MTMR6: variants seen among roughly 807,000 people sequenced by gnomAD.
MTMR6 encodes myotubularin related protein 6.
Under a neutral mutation model 80.1 loss-of-function variants are expected in MTMR6, and 47 were observed. That is an observed-to-expected ratio of 0.59 (90% confidence interval 0.46 to 0.75). The LOEUF (loss-of-function observed/expected upper bound fraction) is 0.75. MTMR6 is among the 30% of genes least tolerant of loss of function. The pLI, the probability that MTMR6 is intolerant of heterozygous loss-of-function variation, is 0.00. For missense variants in MTMR6, 629 were observed against 730.9 expected (o/e 0.86, Z 1.61); for synonymous variants, 254 against 253.0 (o/e 1.00, Z -0.04).
chr13:25,253,172 T>C (rs1331703622), intron 11 of MTMR6, among the ~76,000 whole-genome samples: 5 of 152,138 alleles, frequency 3.3e-5, no homozygotes, highest in Non-Finnish European at 5.9e-5. Context: ...TAGGGTCAAG[T>C]AGTGTCTCAG....
intron 6 of MTMR6, 48 bp downstream of exon 6, chr13:25,261,620 A>G: frequency 1.4e-6 from 2 of 1,431,214 alleles, no homozygotes; most frequent in Non-Finnish European, 1.9e-6. Context: ...TAAGTAAAGT[A>G]ATAAAAATAA....
In MTMR6 at chr13:25,283,812, C is replaced by G. The variant is rs1275383917; in HGVS notation, c.24+3412G>C. On this transcript the variant is annotated intron_variant, in intron 1 of 13. Coordinates refer to ENST00000381801, the MANE Select transcript of MTMR6 (RefSeq NM_004685.5). ...ACTGGCAGGGAAAGGAGAAAGACTG[C>G]ATAAAGAACTGTCTCTGCATATTTC... 2.6e-5 allele frequency among the ~76,000 whole-genome samples: 4 copies of G among 152,264 alleles called. No homozygotes were observed. In the East Asian group the frequency reaches 7.7e-4, roughly 29 times the overall value.
In MTMR6 at chr13:25,249,148, A is replaced by G; in HGVS notation, c.*84T>C. On this transcript the variant is annotated 3_prime_UTR_variant, in exon 14 of 14. Coordinates refer to ENST00000381801, the MANE Select transcript of MTMR6 (RefSeq NM_004685.5). The stretch of plus-strand genomic sequence containing the variant: ...TAAACCCTAAAATTGTTATTAGACA[A>G]ATTCCTTTTGGTTATGCTTACAGAC... The G allele has an allele frequency of 6.8e-7, 1 of 1,461,844 alleles. No individual in the cohort carries two copies. The highest frequency in any genetic ancestry group is 9.2e-7 in the Non-Finnish European group (1 of 1,082,454). 90.6% of individuals were successfully genotyped at this position (1,461,844 alleles called of 1,614,324 possible). A position where few individuals can be genotyped will look rare whatever the true frequency, so the allele number is the denominator to read the frequency against.
intron 13 of MTMR6, 86 bp from the exon 14 acceptor site, chr13:25,249,578 T>C (rs1245528701): frequency 1.5e-6 from 2 of 1,340,840 alleles, no homozygotes; most frequent in African/African-American, 2.9e-5. Context: ...TTTTGCAAAA[T>C]ATGTTCTCTG....
intron 5 of MTMR6, among the ~76,000 whole-genome samples, chr13:25,265,118 T>C (rs1039225101): frequency 2.6e-5 from 4 of 152,202 alleles, no homozygotes; most frequent in Admixed American, 1.3e-4. Flanking sequence ...CTGTTTCATG[T>C]TGCAAAATCC....
intron 2 of MTMR6, among the ~76,000 whole-genome samples, chr13:25,270,833 C>T (rs1289288165): frequency 2.0e-5 from 3 of 152,146 alleles, no homozygotes; most frequent in African/African-American, 7.2e-5. Flanking sequence ...ACAGTATGTG[C>T]AGTACAGGGG....
rs147081285 is a variant in MTMR6 at position 25,270,780 on chromosome 13, C to A, written c.142-2839G>T. On this transcript the variant is annotated intron_variant, in intron 2 of 13. Transcript: ENST00000381801. The stretch of plus-strand genomic sequence containing the variant: ...AATTGGTTAGCCTTCTTGGGGAAAT[C>A]AGAAGAGTACAATCAAAGAGAGAAA... Among the ~76,000 whole-genome samples the A allele has an allele frequency of 1.9e-3, 290 of 152,172 alleles. 3 individuals are homozygous for A. Among genetic ancestry groups the A allele is most frequent in the African/African-American group, 6.3e-3 (260 of 41,500 alleles).
In MTMR6 at chr13:25,249,163, T is replaced by C; in HGVS notation, c.*69A>G. On this transcript the variant is annotated 3_prime_UTR_variant, in exon 14 of 14. Transcript: ENST00000381801. Reference sequence around the variant, plus strand: ...TTATTAGACAAATTCCTTTTGGTTATGCTTACAGACCATCCTCACAATAAT... The same window carrying C: ...TTATTAGACAAATTCCTTTTGGTTACGCTTACAGACCATCCTCACAATAAT... The C allele has an allele frequency of 6.6e-7, 1 of 1,526,494 alleles. No homozygotes were observed. The highest frequency in any genetic ancestry group is 8.9e-7 in the Non-Finnish European group (1 of 1,129,404). The allele number at this position is 1,526,494 out of a possible 1,614,324, so 94.6% of individuals were successfully genotyped here. A position where few individuals can be genotyped will look rare whatever the true frequency, so the allele number is the denominator to read the frequency against.
chr13:25,273,409 AT>A (rs1957627266), intron 2 of MTMR6, among the ~76,000 whole-genome samples: 1 of 152,202 alleles, frequency 6.6e-6, no homozygotes, highest in Non-Finnish European at 1.5e-5. Flanking sequence ...AGCAAAAAAA[AT>A]AAGTACCCTA....
Position 25,249,310 on chromosome 13 carries a change from A to G in MTMR6, c.1788T>C (p.Ser596=), listed in dbSNP as rs376742718. ...ATTTAGAAAACTCTTCTGCATATTC[A>G]CTATAACGATTATCTGCCGGGCTGC... The part of the protein sequence containing the change: ...EGSSPADNRY[S]EYAEEFSKSE... Residue 596 remains serine (S), a synonymous_variant, in exon 14 of 14, where the codon AGT becomes AGC. Coordinates refer to ENST00000381801, the MANE Select transcript of MTMR6 (RefSeq NM_004685.5). 1.2e-6 allele frequency: 2 copies of G among 1,613,950 alleles called. No individual in the cohort carries two copies. The highest frequency in any genetic ancestry group is 1.7e-6 in the Non-Finnish European group (2 of 1,179,968).
At chr13:25,259,541 A>T (rs1041941868) in intron 6 of MTMR6, among the ~76,000 whole-genome samples, 1 of 152,222 alleles carries the variant, frequency 6.6e-6, no homozygotes, top group Non-Finnish European at 1.5e-5. Context: ...CTCACTAGTT[A>T]TTCGGTACCT....
In MTMR6 at chr13:25,273,887, C is replaced by T. The variant is rs570362448; in HGVS notation, c.141+184G>A. ...AAGAGTGTGGTATTTTATAGAATTC[C>T]ATGTTACATATTCTATAACTGATTT... On this transcript the variant is annotated intron_variant, in intron 2 of 13. Coordinates refer to ENST00000381801, the MANE Select transcript of MTMR6 (RefSeq NM_004685.5). Among the ~76,000 whole-genome samples the T allele has an allele frequency of 3.5e-3, 526 of 152,098 alleles. 9 individuals are homozygous for T. Among genetic ancestry groups the T allele is most frequent in the African/African-American group, 0.012 (507 of 41,508 alleles).
rs192325890 is a variant in MTMR6, at chr13:25,274,718, C to T, written c.25-531G>A. Among the ~76,000 whole-genome samples the T allele has an allele frequency of 6.5e-4, 99 of 152,172 alleles. 1 individual carries two copies. The highest frequency in any genetic ancestry group is 2.5e-3 in the South Asian group (12 of 4,828). ...CTGTTCTCTGTTTCTAAAATGGTCT[C>T]TTCTGCTTAGCTAAGTGGCAAGCAT... On this transcript the variant is annotated intron_variant, in intron 1 of 13. Transcript: ENST00000381801.
rs1225699517 is a variant in MTMR6 at position 25,257,301 on chromosome 13, T to C, written c.990A>G (p.Ala330=). ...CATCGGAACAATGCACCAACACACT[T>C]GCATTTTCAACTGTTATTGCCTGAA... ...FLAKAITVEN[A]SVLVHCSDGW... The change falls in exon 9 of 14, where the codon GCA becomes GCG. Residue 330 remains alanine (A), a synonymous_variant. Transcript: ENST00000381801. 6.2e-7 allele frequency: 1 copy of C among 1,613,786 alleles called. No individual in the cohort carries two copies. Among genetic ancestry groups the C allele is most frequent in the Non-Finnish European group, 8.5e-7 (1 of 1,179,884 alleles).
intron 1 of MTMR6, among the ~76,000 whole-genome samples, chr13:25,277,766 T>C (rs1957756489): frequency 6.6e-6 from 1 of 152,214 alleles, no homozygotes; most frequent in African/African-American, 2.4e-5. Context: ...GTCTGGACTT[T>C]CAATCCTCTA....
At chr13:25,261,637 T>G in intron 6 of MTMR6, 31 bp downstream of exon 6, 2 of 1,498,790 alleles carry the variant, frequency 1.3e-6, no homozygotes, top group East Asian at 2.4e-5. Context: ...ATAATTAAAC[T>G]AGCAGACTGT....
intron 1 of MTMR6, among the ~76,000 whole-genome samples, chr13:25,286,952 C>T (rs1456377483): frequency 3.9e-5 from 6 of 152,196 alleles, no homozygotes; most frequent in African/African-American, 1.2e-4. Context: ...GCTAGGAGGG[C>T]GGTGACCAGT....
chr13:25,249,351 G>A lies in MTMR6; in HGVS notation c.1747C>T (p.Arg583Ter), dbSNP rs1280832493. 2.5e-6 allele frequency: 4 copies of A among 1,614,086 alleles called. No individual in the cohort carries two copies. Among genetic ancestry groups the A allele is most frequent in the Non-Finnish European group, 3.4e-6 (4 of 1,179,972 alleles). The change falls in exon 14 of 14, where the codon CGA (arginine) becomes TGA (stop). Residue 583 changes from arginine to a stop codon, truncating the protein, a stop_gained. Coordinates refer to ENST00000381801, the MANE Select transcript of MTMR6 (RefSeq NM_004685.5). LOFTEE classifies it high-confidence loss of function. ...GCCGGGCTGCTGCCCTCTATAGTTCGAAGAGCATCATTTACGGGTAGCAGA... is the reference window on the plus strand; with the variant it reads ...GCCGGGCTGCTGCCCTCTATAGTTCAAAGAGCATCATTTACGGGTAGCAGA... ...QTLLPVNDAL[R>*]TIEGSSPADN...
At chr13:25,277,259 A>G (rs1160890217) in intron 1 of MTMR6, among the ~76,000 whole-genome samples, 1 of 152,174 alleles carries the variant, frequency 6.6e-6, no homozygotes, top group Admixed American at 6.5e-5. Flanking sequence ...TACCATTTTT[A>G]TCACCTAAAT....
Sources: allele counts gnomAD v4.1 joint callset (sites outside exome capture counted in the v4.1 genomes callset), GRCh38; gene constraint gnomAD v4.1.1; transcripts MANE v1.5; gene names NCBI Gene and HGNC (gene_info 2026-07-23, HGNC 2026-07-21).